The following NCALD variants were observed in gnomAD, a reference collection of about 807,000 sequenced individuals.
NCALD encodes the protein neurocalcin-delta.
NCALD carries 10 observed loss-of-function variants against 18.6 expected under a neutral mutation model. That is an observed-to-expected ratio of 0.54 (90% CI 0.33 to 0.91). The LOEUF (loss-of-function observed/expected upper bound fraction) is 0.91, where lower values mean the gene tolerates loss of function less well. NCALD is among the 40% of genes least tolerant of loss of function. The pLI is 0.03. For synonymous variants in NCALD, 88 were observed against 87.4 expected, an observed-to-expected ratio of 1.01 and a Z score of -0.04; for missense variants, 184 against 247.6, an observed-to-expected ratio of 0.74 and a Z score of 1.72.
chr8:101,769,623 C>CT (rs945146847), intron 1 of NCALD, among the ~76,000 whole-genome samples: 180 of 146,260 alleles, frequency 1.2e-3, no homozygotes, highest in Middle Eastern at 7.2e-3. Flanking sequence ...TTCTTTCTTC[C>CT]TTTTTTTTTT....
At chr8:101,755,243 C>T (rs569869358) in intron 1 of NCALD, among the ~76,000 whole-genome samples, 1 of 152,214 alleles carries the variant, frequency 6.6e-6, no homozygotes, top group Non-Finnish European at 1.5e-5. Context: ...GACTCTAACT[C>T]CTGGTTTGCC....
intron 4 of NCALD, among the ~76,000 whole-genome samples, chr8:101,796,325 A>C (rs1351581502): frequency 6.6e-6 from 1 of 152,210 alleles, no homozygotes; most frequent in Non-Finnish European, 1.5e-5. Context: ...CATGCCAGGA[A>C]ATAGGTCTAA....
intron 1 of NCALD, among the ~76,000 whole-genome samples, chr8:102,065,010 C>CAAAAAAAAA (rs34548051): frequency 2.3e-5 from 2 of 87,576 alleles, no homozygotes; most frequent in Non-Finnish European, 4.1e-5. Context: ...CTCACTTTGG[C>CAAAAAAAAA]AAAAAAAAAA....
intron 1 of NCALD, among the ~76,000 whole-genome samples, chr8:102,060,614 T>C (rs1823815659): frequency 6.6e-6 from 1 of 152,190 alleles, no homozygotes; most frequent in Admixed American, 6.5e-5. Flanking sequence ...GCCCCAGAGC[T>C]TGATGATTAA....
intron 2 of NCALD, among the ~76,000 whole-genome samples, chr8:101,962,457 A>T (rs907440848): frequency 6.6e-6 from 1 of 152,208 alleles, no homozygotes. Context: ...ACCTAGCTTC[A>T]GTCAAATTAG....
chr8:101,971,509 T>G (rs377533500), intron 2 of NCALD, among the ~76,000 whole-genome samples: 2 of 152,080 alleles, frequency 1.3e-5, no homozygotes, highest in East Asian at 3.9e-4. Context: ...CTTTGCTCAT[T>G]TGCTCTCTCT....
chr8:101,996,687 G>A (rs982077424), intron 2 of NCALD, among the ~76,000 whole-genome samples: 2 of 152,144 alleles, frequency 1.3e-5, no homozygotes, highest in Non-Finnish European at 1.5e-5. Flanking sequence ...AACTAACGGT[G>A]GAAAAGGAAG....
chr8:102,015,042 C>T (rs1239834466), intron 2 of NCALD, among the ~76,000 whole-genome samples: 1 of 151,974 alleles, frequency 6.6e-6, no homozygotes, highest in African/African-American at 2.4e-5. Flanking sequence ...AGGTGATGCT[C>T]CCGAGATGGC....
chr8:101,978,655 G>A (rs954561803), intron 2 of NCALD, among the ~76,000 whole-genome samples: 1 of 152,176 alleles, frequency 6.6e-6, no homozygotes, highest in African/African-American at 2.4e-5. Context: ...GGTGGTGGTG[G>A]TGGTGGTGGT....
At chr8:101,886,231 G>A (rs185584014) in intron 4 of NCALD, among the ~76,000 whole-genome samples, 1 of 152,294 alleles carries the variant, frequency 6.6e-6, no homozygotes, top group African/African-American at 2.4e-5. Flanking sequence ...TGTTGCTCAG[G>A]TAGTAATTAA....
chr8:101,823,370 A>G (rs1351740013), intron 4 of NCALD, among the ~76,000 whole-genome samples: 1 of 152,238 alleles, frequency 6.6e-6, no homozygotes, highest in Non-Finnish European at 1.5e-5. Context: ...CATCAATAGG[A>G]AAGACAAGAA....
At chr8:101,768,722 A>C (rs71518839) in intron 1 of NCALD, among the ~76,000 whole-genome samples, 1 of 99,628 alleles carries the variant, frequency 1.0e-5, no homozygotes. Context: ...AAACAAAAAA[A>C]CAAAAAAAAA....
Position 101,842,225 on chromosome 8 carries a change from C to A in NCALD, c.-20+44916G>T, listed in dbSNP as rs573044635. On this transcript the variant is annotated intron_variant, in intron 4 of 6. Transcript: ENST00000311028. ...GCCCACCCTAATGACCTCATTTTAA[C>A]GTAATCACCTCTTTAAAGACAGTCA... Among the ~76,000 whole-genome samples, 15 of 152,110 alleles carry A rather than the reference C, an allele frequency of 9.9e-5. No individual in the cohort carries two copies. In the East Asian group the frequency reaches 2.5e-3, roughly 26 times the overall value.
At chr8:102,015,097 C>G (rs1437933753) in intron 2 of NCALD, among the ~76,000 whole-genome samples, 1 of 152,168 alleles carries the variant, frequency 6.6e-6, no homozygotes, top group Non-Finnish European at 1.5e-5. Flanking sequence ...TACTTCTCGA[C>G]CCATAGACAT....
chr8:101,917,602 A>AAAG (rs58152919), intron 2 of NCALD, among the ~76,000 whole-genome samples: 1 of 151,708 alleles, frequency 6.6e-6, no homozygotes, highest in Non-Finnish European at 1.5e-5. Flanking sequence ...TAACAAAAAA[A>AAAG]AAGATACAAA....
At chr8:101,778,697 T>C (rs1469570627) in intron 1 of NCALD, among the ~76,000 whole-genome samples, 1 of 151,916 alleles carries the variant, frequency 6.6e-6, no homozygotes, top group Non-Finnish European at 1.5e-5. Flanking sequence ...GTTAAGACCA[T>C]AGAGGAGAGA....
At chr8:101,966,806 C>T (rs1402553366) in intron 2 of NCALD, among the ~76,000 whole-genome samples, 1 of 151,994 alleles carries the variant, frequency 6.6e-6, no homozygotes, top group Admixed American at 6.6e-5. Context: ...CAAGGATGTT[C>T]ATCACAGCAT....
chr8:101,904,480 G>A lies in NCALD; in HGVS notation c.-107+11329C>T, dbSNP rs551324121. The stretch of plus-strand genomic sequence containing the variant: ...CCTTCATGGAAAGGTTAATCCCTCC[G>A]TTTATATCCTGGTCTCCCCTCCAGC... On this transcript the variant is annotated intron_variant, in intron 3 of 6. Transcript: ENST00000311028. Among the ~76,000 whole-genome samples, 50 of 152,030 alleles carry A rather than the reference G, an allele frequency of 3.3e-4. 1 individual carries two copies. In the South Asian group the frequency reaches 6.0e-3, roughly 18 times the overall value.
At chr8:101,938,743 T>C (rs1257110201) in intron 2 of NCALD, among the ~76,000 whole-genome samples, 1 of 152,106 alleles carries the variant, frequency 6.6e-6, no homozygotes, top group Non-Finnish European at 1.5e-5. Context: ...TTACCTATGG[T>C]GTATCCTCAA....
Sources: allele counts gnomAD v4.1 joint callset (sites outside exome capture counted in the v4.1 genomes callset), GRCh38; gene constraint gnomAD v4.1.1; transcripts MANE v1.5; gene names NCBI Gene and HGNC (gene_info 2026-07-23, HGNC 2026-07-21).